Variants in KCNQ5 observed in about 807,000 individuals in gnomAD.
The protein encoded by KCNQ5 is potassium voltage-gated channel subfamily KQT member 5.
A neutral mutation model predicts 98.2 loss-of-function variants in KCNQ5; 30 were observed. The observed-to-expected ratio is 0.31, with a 90% CI of 0.23 to 0.41. KCNQ5 has a LOEUF of 0.41. KCNQ5 is among the 10% of genes least tolerant of loss of function. The pLI, the probability that KCNQ5 is intolerant of heterozygous loss-of-function variation, is 1.00. For synonymous variants in KCNQ5, 458 were observed against 449.4 expected (o/e 1.02, Z -0.24); for missense variants, 835 against 1,182.5 (o/e 0.71, Z 4.31).
At chr6:73,152,858 G>T (rs1777207776) in intron 10 of KCNQ5, among the ~76,000 whole-genome samples, 2 of 152,170 alleles carry the variant, frequency 1.3e-5, no homozygotes, top group Admixed American at 6.5e-5. Context: ...AGAGGGAAAA[G>T]GTCTTACTAC....
intron 1 of KCNQ5, among the ~76,000 whole-genome samples, chr6:72,756,190 C>G (rs928998189): frequency 7.2e-5 from 11 of 152,270 alleles, no homozygotes; most frequent in African/African-American, 2.6e-4. Context: ...AGATTAAATA[C>G]TTTGTATGTC....
intron 3 of KCNQ5, among the ~76,000 whole-genome samples, chr6:73,051,251 G>T (rs953028916): frequency 6.6e-6 from 1 of 152,060 alleles, no homozygotes; most frequent in African/African-American, 2.4e-5. Flanking sequence ...GCAGCCCCAC[G>T]CTCACCACTA....
At chr6:72,858,129 G>C (rs1408168422) in intron 1 of KCNQ5, among the ~76,000 whole-genome samples, 1 of 152,136 alleles carries the variant, frequency 6.6e-6, no homozygotes, top group Non-Finnish European at 1.5e-5. Flanking sequence ...ACTATATATG[G>C]AGTACACCTT....
chr6:73,082,510 G>C (rs566241507), intron 5 of KCNQ5, among the ~76,000 whole-genome samples: 1 of 151,938 alleles, frequency 6.6e-6, no homozygotes, highest in Non-Finnish European at 1.5e-5. Flanking sequence ...TACAAGCTCT[G>C]GAATGAGGAA....
At chr6:73,092,347 T>A (rs143733838) in intron 5 of KCNQ5, among the ~76,000 whole-genome samples, 2 of 152,142 alleles carry the variant, frequency 1.3e-5, no homozygotes, top group Non-Finnish European at 2.9e-5. Flanking sequence ...GACTTCCTCT[T>A]TAATGAGTTG....
At chr6:73,036,565 CAAA>C (rs1771443486) in intron 2 of KCNQ5, among the ~76,000 whole-genome samples, 1 of 152,010 alleles carries the variant, frequency 6.6e-6, no homozygotes, top group Non-Finnish European at 1.5e-5. Flanking sequence ...GTTTTTATTT[CAAA>C]AATGTTATAT....
intron 1 of KCNQ5, among the ~76,000 whole-genome samples, chr6:72,838,676 C>G (rs943375584): frequency 6.6e-6 from 1 of 151,724 alleles, no homozygotes; most frequent in African/African-American, 2.4e-5. Flanking sequence ...TGAGGCCGGG[C>G]GCGGTGGCTC....
At chr6:72,761,782 G>A (rs919471711) in intron 1 of KCNQ5, among the ~76,000 whole-genome samples, 5 of 152,114 alleles carry the variant, frequency 3.3e-5, no homozygotes, top group African/African-American at 9.6e-5. Flanking sequence ...AGGAGGAAAC[G>A]TAATGCCCTA....
At chr6:73,108,731 G>T (rs1372328145) in intron 6 of KCNQ5, among the ~76,000 whole-genome samples, 1 of 152,128 alleles carries the variant, frequency 6.6e-6, no homozygotes, top group Non-Finnish European at 1.5e-5. Context: ...GGAGGCTGAG[G>T]CAGGAGAATG....
Position 73,133,498 on chromosome 6 carries a change from T to G in KCNQ5, c.1325T>G (p.Val442Gly). 6.2e-7 allele frequency: 1 copy of G among 1,614,142 alleles called. No homozygotes were observed. ...AGTATTAAGAGCCGACAAGCCTCAG[T>G]AGGTGACAGGAGGTCCCCAAGCACC... Reference protein sequence around the residue: ...GQSIKSRQASVGDRRSPSTDI... With the variant: ...GQSIKSRQASGGDRRSPSTDI... The change falls in exon 10 of 14, where the codon GTA becomes GGA. Residue 442 changes from valine (V) to glycine (G), a missense_variant. By Grantham distance (109) the Val-to-Gly change is moderately radical. Around this residue, in one of 10 missense-constraint regions of KCNQ5, gnomAD observed 146 missense variants for 256.7 expected, o/e 0.57. Transcript: ENST00000370398.
intron 3 of KCNQ5, among the ~76,000 whole-genome samples, chr6:73,063,725 A>AGATAGAT (rs1562156334): frequency 0.02 from 2,106 of 106,290 alleles, 20 homozygotes; most frequent in Middle Eastern, 0.029. Context: ...GATAGATGAT[A>AGATAGAT]GATAGATAGA....
chr6:72,890,642 C>T (rs1779021682), intron 1 of KCNQ5, among the ~76,000 whole-genome samples: 1 of 152,124 alleles, frequency 6.6e-6, no homozygotes, highest in Admixed American at 6.6e-5. Flanking sequence ...GGATCAAAAC[C>T]ATCTTGCCGA....
At chr6:72,887,689 T>C (rs1008470354) in intron 1 of KCNQ5, among the ~76,000 whole-genome samples, 1 of 152,160 alleles carries the variant, frequency 6.6e-6, no homozygotes, top group Non-Finnish European at 1.5e-5. Flanking sequence ...TGGGTAAATA[T>C]ACTGATTAAA....
At chr6:73,066,290 C>T (rs761178212) in intron 3 of KCNQ5, among the ~76,000 whole-genome samples, 12 of 152,034 alleles carry the variant, frequency 7.9e-5, no homozygotes, top group African/African-American at 2.2e-4. Context: ...ATAGAGCACC[C>T]GCCCCTCTGT....
intron 10 of KCNQ5, among the ~76,000 whole-genome samples, chr6:73,158,478 G>C (rs959141442): frequency 6.6e-6 from 1 of 152,018 alleles, no homozygotes; most frequent in Non-Finnish European, 1.5e-5. Flanking sequence ...CGTTGGCCAG[G>C]CTGGTCTCGA....
At chr6:72,774,352 G>C (rs1207790803) in intron 1 of KCNQ5, among the ~76,000 whole-genome samples, 3 of 152,054 alleles carry the variant, frequency 2.0e-5, no homozygotes, top group Admixed American at 2.0e-4. Flanking sequence ...CAGGTGACAG[G>C]CTGGGTTTGG....
chr6:72,949,699 C>T (rs1766710934), intron 1 of KCNQ5, among the ~76,000 whole-genome samples: 1 of 152,154 alleles, frequency 6.6e-6, no homozygotes, highest in South Asian at 2.1e-4. Flanking sequence ...TGAATGAACA[C>T]ATGAATGAAC....
intron 11 of KCNQ5, among the ~76,000 whole-genome samples, chr6:73,170,100 C>T (rs979934021): frequency 9.2e-5 from 14 of 152,236 alleles, no homozygotes; most frequent in South Asian, 4.2e-4. Flanking sequence ...AGAGATTACA[C>T]GAGTCTTGGC....
Position 72,624,891 on chromosome 6 carries a change from G to A in KCNQ5, c.398+2304G>A, listed in dbSNP as rs187312001. 6.2e-4 allele frequency among the ~76,000 whole-genome samples: 95 copies of A among 152,328 alleles called. 1 individual carries two copies. The highest frequency in any genetic ancestry group is 2.2e-3 in the African/African-American group (92 of 41,578). Reference sequence around the variant, plus strand: ...TGCTTGTGATTTTAAATGAGCTTTAGAATAGCCAGACTTTACACATTACAT... The same window carrying A: ...TGCTTGTGATTTTAAATGAGCTTTAAAATAGCCAGACTTTACACATTACAT... On this transcript the variant is annotated intron_variant, in intron 1 of 13. Transcript: ENST00000370398.
Sources: gnomAD v4.1 joint callset for allele counts (sites outside exome capture counted in the v4.1 genomes callset) on GRCh38, gnomAD v4.1.1 for gene constraint, gnomAD v4.1.1 regional missense constraint, MANE v1.5 for transcripts, NCBI Gene and HGNC (gene_info 2026-07-23, HGNC 2026-07-21) for gene names.